Variants in RAB38 observed in about 807,000 individuals in gnomAD.
RAB38 encodes the protein ras-related protein Rab-38.
A neutral mutation model predicts 18.4 loss-of-function variants in RAB38; 15 were observed. That is an observed-to-expected ratio of 0.82 (90% CI 0.55 to 1.26). The LOEUF is 1.26. RAB38 is among the 50% of genes most tolerant of loss of function. The pLI is 0.00. For synonymous variants in RAB38, 101 were observed against 104.4 expected, an observed-to-expected ratio of 0.97 and a Z score of 0.20; for missense variants, 294 against 267.4, an observed-to-expected ratio of 1.10 and a Z score of -0.69.
the RAB38 span, among the ~76,000 whole-genome samples, chr11:87,855,837 G>A: frequency 6.7e-6 from 1 of 150,268 alleles, no homozygotes; most frequent in Non-Finnish European, 1.5e-5. Flanking sequence ...AGTTCTCTCA[G>A]TTGATTAGGA....
chr11:87,805,613 A>ACACACACG, the RAB38 span, among the ~76,000 whole-genome samples: 3 of 146,460 alleles, frequency 2.0e-5, no homozygotes, highest in Admixed American at 6.8e-5. Flanking sequence ...CTACACACAC[A>ACACACACG]CACACACACG....
At chr11:87,911,234 C>T in the RAB38 span, among the ~76,000 whole-genome samples, 4,337 of 152,064 alleles carry the variant, frequency 0.029, 92 homozygotes, top group Middle Eastern at 0.048. Context: ...TGTGTTTCTT[C>T]TTCACAAAGT....
the RAB38 span, among the ~76,000 whole-genome samples, chr11:87,947,413 T>A: frequency 1.1e-4 from 16 of 152,358 alleles, no homozygotes; most frequent in African/African-American, 3.8e-4. Flanking sequence ...TTTGTCAATT[T>A]TGGCTTTGGT....
the RAB38 span, among the ~76,000 whole-genome samples, chr11:88,023,038 G>C: frequency 2.7e-3 from 406 of 152,066 alleles, 7 homozygotes; most frequent in East Asian, 0.05. Context: ...TCAGGAAAAA[G>C]AACTAATGGG....
chr11:88,065,971 C>T, the RAB38 span, among the ~76,000 whole-genome samples: 2 of 152,298 alleles, frequency 1.3e-5, no homozygotes, highest in Non-Finnish European at 2.9e-5. Flanking sequence ...AGTTTAGAAA[C>T]TCCTGCCTCA....
the RAB38 span, among the ~76,000 whole-genome samples, chr11:87,976,325 T>G: frequency 7.0e-6 from 1 of 143,494 alleles, no homozygotes; most frequent in Admixed American, 7.3e-5. Context: ...TACCAGAGTT[T>G]TTTATATGTA....
At chr11:88,147,523 G>A (rs560706498) in intron 2 of RAB38, among the ~76,000 whole-genome samples, 2 of 151,264 alleles carry the variant, frequency 1.3e-5, no homozygotes, top group Admixed American at 1.3e-4. Context: ...ATTGAGTGTG[G>A]CGCTAAAAGG....
the RAB38 span, among the ~76,000 whole-genome samples, chr11:88,079,220 G>A: frequency 6.6e-6 from 1 of 151,806 alleles, no homozygotes; most frequent in East Asian, 1.9e-4. Flanking sequence ...AAACAAAACA[G>A]TAATATCTGA....
chr11:87,875,351 T>G, the RAB38 span, among the ~76,000 whole-genome samples: 1 of 151,322 alleles, frequency 6.6e-6, no homozygotes, highest in Non-Finnish European at 1.5e-5. Flanking sequence ...GTGAGAAAAA[T>G]AAAATAAAAT....
intron 1 of RAB38, among the ~76,000 whole-genome samples, chr11:88,153,145 T>C (rs1466946992): frequency 2.6e-5 from 4 of 152,240 alleles, no homozygotes; most frequent in African/African-American, 7.2e-5. Context: ...TAATTTTACT[T>C]ACTGGTTACC....
At chr11:88,112,353 C>G (rs1452423102), downstream of RAB38, among the ~76,000 whole-genome samples, 9 of 152,190 alleles carry the variant, frequency 5.9e-5, no homozygotes, top group Admixed American at 5.9e-4. Flanking sequence ...CTTAAAACTT[C>G]CTACTGAGGC....
the RAB38 span, among the ~76,000 whole-genome samples, chr11:87,835,635 T>C: frequency 8.6e-5 from 13 of 151,960 alleles, no homozygotes; most frequent in African/African-American, 2.4e-4. Context: ...GAAATAAAAT[T>C]TTGTCATAGT....
At chr11:87,963,015 T>C in the RAB38 span, among the ~76,000 whole-genome samples, 7 of 152,306 alleles carry the variant, frequency 4.6e-5, no homozygotes, top group South Asian at 2.1e-4. Context: ...GATGAGACTA[T>C]TGATATGAAA....
chr11:88,066,245 GT>G, the RAB38 span, among the ~76,000 whole-genome samples: 1 of 152,172 alleles, frequency 6.6e-6, no homozygotes, highest in East Asian at 1.9e-4. Flanking sequence ...TTGAGGTACT[GT>G]TTGTATATGC....
chr11:88,020,230 G>A, the RAB38 span, among the ~76,000 whole-genome samples: 1 of 152,006 alleles, frequency 6.6e-6, no homozygotes, highest in Non-Finnish European at 1.5e-5. Flanking sequence ...TTCACCAATA[G>A]AGACACACAT....
intron 1 of RAB38, among the ~76,000 whole-genome samples, chr11:88,151,826 C>T (rs958475070): frequency 3.3e-5 from 5 of 152,168 alleles, no homozygotes; most frequent in African/African-American, 1.2e-4. Flanking sequence ...GAATGAAGGT[C>T]GAGGGCTCTG....
the RAB38 span, among the ~76,000 whole-genome samples, chr11:88,082,694 G>A: frequency 1.7e-4 from 26 of 151,844 alleles, no homozygotes; most frequent in Non-Finnish European, 2.7e-4. Context: ...CATTTATTCA[G>A]TCTCACTTCT....
chr11:87,814,734 C>CTTTTTTTT, the RAB38 span, among the ~76,000 whole-genome samples: 2 of 148,704 alleles, frequency 1.3e-5, no homozygotes, highest in African/African-American at 5.0e-5. Flanking sequence ...TTTTCTTTTT[C>CTTTTTTTT]TTTTTCTTTT....
At chr11:87,917,966 C>T in the RAB38 span, 1 of 151,982 alleles carries the variant, frequency 6.6e-6, no homozygotes, top group African/African-American at 2.4e-5. Flanking sequence ...CATACTGACA[C>T]AGAGACTTTA....
Sources: allele counts gnomAD v4.1 joint callset (sites outside exome capture counted in the v4.1 genomes callset), GRCh38; gene constraint gnomAD v4.1.1; transcripts MANE v1.5; gene names NCBI Gene and HGNC (gene_info 2026-07-23, HGNC 2026-07-21).